NCKAP5: variants seen among roughly 807,000 people sequenced by gnomAD.
NCKAP5 encodes NCK associated protein 5, also known as nck-associated protein 5.
Under a neutral mutation model 167.0 loss-of-function variants are expected in NCKAP5, and 92 were observed. The observed-to-expected ratio is 0.55, with a 90% CI of 0.47 to 0.66. NCKAP5 has a LOEUF of 0.66. NCKAP5 is among the 30% of genes least tolerant of loss of function. The pLI is 0.00. For missense variants in NCKAP5, 2,378 were observed against 2,315.0 expected (o/e 1.03, Z -0.56); for synonymous variants, 891 against 877.4 (o/e 1.02, Z -0.27).
At chr2:133,558,220 C>T (rs1002265657) in intron 2 of NCKAP5, 2 of 152,088 alleles carry the variant, frequency 1.3e-5, no homozygotes, top group African/African-American at 2.4e-5. Context: ...AGTCCTAGGG[C>T]ATTTGAAGAT....
intron 6 of NCKAP5, among the ~76,000 whole-genome samples, chr2:133,090,126 G>A (rs889660373): frequency 4.0e-5 from 6 of 151,648 alleles, no homozygotes; most frequent in South Asian, 2.1e-4. Context: ...CAACACTTTC[G>A]GAGGCCAACG....
intron 3 of NCKAP5, among the ~76,000 whole-genome samples, chr2:133,314,891 T>G (rs1288450441): frequency 6.6e-6 from 1 of 152,028 alleles, no homozygotes; most frequent in African/African-American, 2.4e-5. Context: ...CTAACCGAGG[T>G]GGCTACTTTG....
intron 6 of NCKAP5, among the ~76,000 whole-genome samples, chr2:133,125,632 C>T (rs918865508): frequency 2.0e-5 from 3 of 152,160 alleles, no homozygotes; most frequent in Non-Finnish European, 4.4e-5. Flanking sequence ...AAAGTGGCAG[C>T]CCTAAGATAT....
chr2:133,052,630 A>C (rs1273596165), intron 6 of NCKAP5, among the ~76,000 whole-genome samples: 1 of 152,040 alleles, frequency 6.6e-6, no homozygotes, highest in Non-Finnish European at 1.5e-5. Flanking sequence ...AGGCAGGAGA[A>C]TCGCTTGAAC....
the NCKAP5 span, among the ~76,000 whole-genome samples, chr2:133,653,042 C>A: frequency 6.6e-6 from 1 of 152,130 alleles, no homozygotes; most frequent in Admixed American, 6.5e-5. Context: ...GAGAAATTTC[C>A]TCACTTCTCT....
intron 6 of NCKAP5, among the ~76,000 whole-genome samples, chr2:133,126,884 T>C (rs1574108281): frequency 1.3e-5 from 2 of 152,188 alleles, no homozygotes; most frequent in East Asian, 1.9e-4. Context: ...TATTTTGTTT[T>C]TATTTTATCA....
chr2:132,695,115 T>C (rs565534938), intron 19 of NCKAP5, among the ~76,000 whole-genome samples: 1 of 152,092 alleles, frequency 6.6e-6, no homozygotes. Flanking sequence ...TCCACCCTCA[T>C]GAAATAATCA....
chr2:133,477,625 G>A (rs1813555), intron 3 of NCKAP5, among the ~76,000 whole-genome samples: 107,220 of 152,058 alleles, frequency 0.71, 38,615 homozygotes, highest in African/African-American at 0.86. Context: ...GAGATTAACA[G>A]TAACTACTAA....
intron 6 of NCKAP5, among the ~76,000 whole-genome samples, chr2:133,127,765 G>T (rs2149786592): frequency 6.6e-6 from 1 of 152,270 alleles, no homozygotes; most frequent in South Asian, 2.1e-4. Flanking sequence ...AATTCACTTT[G>T]GAGGGGTGGA....
At chr2:132,860,692 C>T (rs1291006708) in intron 10 of NCKAP5, 81 bp from the exon 11 acceptor site, 6 of 1,439,954 alleles carry the variant, frequency 4.2e-6, no homozygotes, top group Middle Eastern at 1.9e-4. Context: ...TTATATATCT[C>T]AGATCATTAG....
chr2:133,586,818 G>A, the NCKAP5 span, among the ~76,000 whole-genome samples: 6 of 151,990 alleles, frequency 3.9e-5, no homozygotes, highest in Admixed American at 2.6e-4. Flanking sequence ...GGCAGGTAGC[G>A]TGAGTGAGGA....
At chr2:133,010,020 G>T (rs1306627638) in intron 6 of NCKAP5, among the ~76,000 whole-genome samples, 4 of 151,316 alleles carry the variant, frequency 2.6e-5, no homozygotes, top group African/African-American at 9.7e-5. Context: ...GCAGTGAGCC[G>T]AGATGGTGCC....
chr2:133,308,368 G>T (rs1401737445), intron 3 of NCKAP5, among the ~76,000 whole-genome samples: 1 of 152,040 alleles, frequency 6.6e-6, no homozygotes, highest in Admixed American at 6.6e-5. Flanking sequence ...GATTACAGGC[G>T]TGAGCCACCG....
intron 17 of NCKAP5, among the ~76,000 whole-genome samples, chr2:132,730,022 T>G (rs1294601181): frequency 4.6e-5 from 7 of 152,164 alleles, no homozygotes; most frequent in African/African-American, 1.7e-4. Flanking sequence ...ATTTTTAACA[T>G]GCATAACCGA....
chr2:133,565,013 A>T lies in NCKAP5; in HGVS notation c.-130+3203T>A, dbSNP rs1362566911. ...AGTGAACCAATGCGGACGGAGTTCC[A>T]TGGTGCACAGGGACACCTACCTGCG... On this transcript the variant is annotated intron_variant, in intron 1 of 19. Transcript: ENST00000409261. Among the ~76,000 whole-genome samples, 3 of 152,214 alleles carry T rather than the reference A, an allele frequency of 2.0e-5. No homozygotes were observed. In the East Asian group the frequency reaches 5.8e-4, roughly 29 times the overall value.
chr2:133,615,242 T>C, the NCKAP5 span, among the ~76,000 whole-genome samples: 1 of 151,948 alleles, frequency 6.6e-6, no homozygotes. Flanking sequence ...CTGCATCAAC[T>C]AATGAGCAAA....
chr2:133,548,998 GA>G (rs1368420410), intron 2 of NCKAP5, among the ~76,000 whole-genome samples: 4 of 137,462 alleles, frequency 2.9e-5, no homozygotes, highest in African/African-American at 1.1e-4. Context: ...CACATGCAGA[GA>G]CACACATAGG....
chr2:133,170,528 C>T (rs2084201503), intron 5 of NCKAP5, among the ~76,000 whole-genome samples: 1 of 152,172 alleles, frequency 6.6e-6, no homozygotes. Flanking sequence ...TGTCCCATGC[C>T]TTGCAGAATC....
intron 5 of NCKAP5, among the ~76,000 whole-genome samples, chr2:133,208,583 A>C (rs1269915343): frequency 1.3e-5 from 2 of 152,152 alleles, no homozygotes; most frequent in African/African-American, 2.4e-5. Flanking sequence ...AAGCTTTAGG[A>C]GTATGATAAG....
Sources: allele counts gnomAD v4.1 joint callset (sites outside exome capture counted in the v4.1 genomes callset), GRCh38; gene constraint gnomAD v4.1.1; transcripts MANE v1.5; gene names NCBI Gene and HGNC (gene_info 2026-07-23, HGNC 2026-07-21).